The following CDH8 variants were observed in gnomAD, a reference collection of about 807,000 sequenced individuals.
CDH8 encodes cadherin-8.
A neutral mutation model predicts 68.1 loss-of-function variants in CDH8; 17 were observed. The observed-to-expected ratio is 0.25, with a 90% CI of 0.17 to 0.37. CDH8 has a LOEUF of 0.37. Among genes scored for constraint, CDH8 ranks in the 10% least tolerant of loss-of-function variants. The pLI is 1.00. For synonymous variants in CDH8, 372 were observed against 365.1 expected, an observed-to-expected ratio of 1.02 and a Z score of -0.21; for missense variants, 763 against 999.3, an observed-to-expected ratio of 0.76 and a Z score of 3.19.
chr16:61,979,216 G>A lies in CDH8; in HGVS notation c.252+41936C>T, dbSNP rs987304705. Among the ~76,000 whole-genome samples the A allele has an allele frequency of 2.0e-5, 3 of 152,268 alleles. No homozygotes were observed. The East Asian group carries it at 5.8e-4, about 29-fold the overall frequency. On this transcript the variant is annotated intron_variant, in intron 2 of 11. Transcript: ENST00000577390. ...ATATTAAAGATGAGACATCATACAG[G>A]ACTTTTGGGATTGGAGGAAAAGTCC... is the stretch of plus-strand genomic sequence containing the variant.
intron 7 of CDH8, among the ~76,000 whole-genome samples, chr16:61,814,181 A>T (rs995841718): frequency 1.3e-5 from 2 of 152,196 alleles, no homozygotes; most frequent in African/African-American, 4.8e-5. Flanking sequence ...AATCTCAGAG[A>T]ATTCCAGAGA....
chr16:61,983,073 A>C (rs556326363), intron 2 of CDH8, among the ~76,000 whole-genome samples: 4 of 152,354 alleles, frequency 2.6e-5, no homozygotes, highest in Admixed American at 2.6e-4. Context: ...AAAATAGAAC[A>C]AATCTAAAAT....
At chr16:62,006,272 C>T (rs988005146) in intron 2 of CDH8, among the ~76,000 whole-genome samples, 1 of 152,130 alleles carries the variant, frequency 6.6e-6, no homozygotes, top group Non-Finnish European at 1.5e-5. Context: ...AGCTTTGCTC[C>T]CATTTCCACA....
At chr16:61,722,454 A>C (rs1465292373) in intron 9 of CDH8, among the ~76,000 whole-genome samples, 1 of 150,738 alleles carries the variant, frequency 6.6e-6, no homozygotes, top group African/African-American at 2.4e-5. Flanking sequence ...TTCTTCACTA[A>C]ATTCATAAGA....
chr16:61,889,483 C>T (rs1425936011), intron 3 of CDH8, among the ~76,000 whole-genome samples: 3 of 152,230 alleles, frequency 2.0e-5, no homozygotes, highest in South Asian at 4.1e-4. Flanking sequence ...TCTGAGGAAG[C>T]GAGGCATACA....
At chr16:62,015,387 T>C (rs534350472) in intron 2 of CDH8, among the ~76,000 whole-genome samples, 1 of 152,100 alleles carries the variant, frequency 6.6e-6, no homozygotes, top group African/African-American at 2.4e-5. Flanking sequence ...AATGAACATG[T>C]GGGGCATGTG....
At chr16:62,018,227 A>G (rs967852681) in intron 2 of CDH8, among the ~76,000 whole-genome samples, 1 of 152,172 alleles carries the variant, frequency 6.6e-6, no homozygotes, top group Non-Finnish European at 1.5e-5. Context: ...CCAGCTGCCT[A>G]CCAATATACT....
intron 4 of CDH8, among the ~76,000 whole-genome samples, chr16:61,831,076 G>C (rs569315043): frequency 1.4e-4 from 21 of 151,842 alleles, no homozygotes; most frequent in African/African-American, 5.1e-4. Flanking sequence ...ATCACACTTG[G>C]TATTCAGGGG....
Position 62,028,214 on chromosome 16 carries a change from G to A in CDH8, c.-199-6612C>T, listed in dbSNP as rs573482759. 2.7e-3 allele frequency among the ~76,000 whole-genome samples: 412 copies of A among 151,654 alleles called. 4 individuals carry two copies. The highest frequency in any genetic ancestry group is 0.011 in the Admixed American group (168 of 15,228). ...TGAGTAGCTGGGATTAGAGGCACCC[G>A]CCACAATGCCCGGCTAATTTTTTTT... On this transcript the variant is annotated intron_variant, in intron 1 of 11. Transcript: ENST00000577390.
intron 10 of CDH8, among the ~76,000 whole-genome samples, chr16:61,677,429 C>A (rs902384866): frequency 3.3e-5 from 5 of 151,822 alleles, no homozygotes; most frequent in African/African-American, 1.2e-4. Flanking sequence ...TTACACCATG[C>A]TTTTCCTAAA....
chr16:61,883,606 A>G (rs557524235), intron 3 of CDH8, among the ~76,000 whole-genome samples: 25 of 151,786 alleles, frequency 1.6e-4, no homozygotes, highest in African/African-American at 5.8e-4. Context: ...ATGAATAAAA[A>G]CAAGTATAGC....
At chr16:61,971,501 A>G (rs1188820934) in intron 2 of CDH8, among the ~76,000 whole-genome samples, 1 of 152,178 alleles carries the variant, frequency 6.6e-6, no homozygotes, top group Admixed American at 6.5e-5. Flanking sequence ...GGAGGTGGGA[A>G]TGGTTGCATA....
At chr16:61,938,182 T>C (rs1964656705) in intron 2 of CDH8, among the ~76,000 whole-genome samples, 1 of 152,130 alleles carries the variant, frequency 6.6e-6, no homozygotes, top group Non-Finnish European at 1.5e-5. Flanking sequence ...TGATTCCTAA[T>C]GAAACACAGA....
intron 6 of CDH8, among the ~76,000 whole-genome samples, chr16:61,818,935 C>CTT (rs34723976): frequency 0.016 from 1,982 of 127,530 alleles, 66 homozygotes; most frequent in African/African-American, 0.048. Context: ...GACTTGGCTC[C>CTT]TTTTTTTTTT....
intron 3 of CDH8, among the ~76,000 whole-genome samples, chr16:61,873,613 TCTGC>T (rs1963409826): frequency 6.6e-6 from 1 of 152,236 alleles, no homozygotes; most frequent in Non-Finnish European, 1.5e-5. Context: ...GGGAAAGCGA[TCTGC>T]AGTCAGTAGA....
chr16:61,972,575 T>G (rs867524531), intron 2 of CDH8, among the ~76,000 whole-genome samples: 1,429 of 118,308 alleles, frequency 0.012, 14 homozygotes, highest in Non-Finnish European at 0.018. Flanking sequence ...ATTGTGGGTG[T>G]GTGTGTGTGT....
rs1403506539 is a variant in CDH8 at position 62,031,697 on chromosome 16, C to CACACAA, written c.-200+4382_-200+4383insTTGTGT. On this transcript the variant is annotated intron_variant, in intron 1 of 11. Coordinates refer to ENST00000577390, the MANE Select transcript of CDH8 (RefSeq NM_001796.5). ...CCACAAACACACACACACACACACA[C>CACACAA]AAGACATCCAAGCAAGAGGATGGAT... 3.3e-5 allele frequency among the ~76,000 whole-genome samples: 5 copies of CACACAA among 151,812 alleles called. No individual in the cohort carries two copies. In the South Asian group the frequency reaches 1.0e-3, roughly 32 times the overall value.
chr16:61,653,020 C>T lies in CDH8; in HGVS notation c.*588G>A, dbSNP rs1963359181. The T allele has an allele frequency of 4.2e-6, 6 of 1,432,632 alleles. No homozygotes were observed. Among genetic ancestry groups the T allele is most frequent in the African/African-American group, 1.4e-5 (1 of 70,216 alleles). 88.7% of individuals were successfully genotyped at this position (1,432,632 alleles called of 1,614,324 possible). ...AGGCTCGACACAATATTTAAAGATG[C>T]TATTCAGTCTCTAGTGAGTGGGGCC... is the stretch of plus-strand genomic sequence containing the variant. On this transcript the variant is annotated 3_prime_UTR_variant, in exon 12 of 12. Transcript: ENST00000577390.
At chr16:61,875,184 C>T (rs776122178) in intron 3 of CDH8, among the ~76,000 whole-genome samples, 59 of 149,812 alleles carry the variant, frequency 3.9e-4, no homozygotes, top group Non-Finnish European at 6.5e-4. Flanking sequence ...GTCAACATTA[C>T]TTTTTTTTTT....
Sources: allele counts gnomAD v4.1 joint callset (sites outside exome capture counted in the v4.1 genomes callset), GRCh38; gene constraint gnomAD v4.1.1; transcripts MANE v1.5; gene names NCBI Gene and HGNC (gene_info 2026-07-23, HGNC 2026-07-21).